Variants in METTL21C observed in about 807,000 individuals in gnomAD.
METTL21C encodes protein-lysine methyltransferase METTL21C.
METTL21C carries 21 observed loss-of-function variants against 25.9 expected under a neutral mutation model. The observed-to-expected ratio is 0.81, with a 90% CI of 0.58 to 1.17. METTL21C has a LOEUF of 1.17. Among genes scored for constraint, METTL21C ranks in the 50% most tolerant of loss-of-function variants. The probability of loss-of-function intolerance (pLI) is 0.00; values close to 1 mark genes in which losing one functional copy is unlikely to be tolerated. For synonymous variants in METTL21C, 125 were observed against 124.7 expected (o/e 1.00, Z -0.01); for missense variants, 312 against 315.1 (o/e 0.99, Z 0.07).
Position 102,691,090 on chromosome 13 carries a change from A to C in METTL21C, c.131-126T>G, listed in dbSNP as rs545828833. On this transcript the variant is annotated intron_variant, in intron 1 of 3. Transcript: ENST00000267273. ...TTACATAAAGAGAAGGGATGATGCTATCAAGGAGAACGGCTGCAAATTGGC... is the reference window on the plus strand; with the variant it reads ...TTACATAAAGAGAAGGGATGATGCTCTCAAGGAGAACGGCTGCAAATTGGC... 3.7e-4 allele frequency: 392 copies of C among 1,071,656 alleles called. 1 individual carries two copies. In the African/African-American group the frequency reaches 5.8e-3, roughly 16 times the overall value. The allele number at this position is 1,071,656 out of a possible 1,614,324, so 66.4% of individuals were successfully genotyped here.
At chr13:102,695,275 A>C (rs577536842), upstream of METTL21C, among the ~76,000 whole-genome samples, 26 of 152,300 alleles carry the variant, frequency 1.7e-4, 1 homozygote, top group Admixed American at 1.7e-3. Flanking sequence ...GACGGGAGTC[A>C]AAGGCTTAAC....
At position 102,694,681 on chromosome 13, in the gene METTL21C, A is replaced by G. The variant is rs1885913454; in HGVS notation, c.-183T>C. Among the ~76,000 whole-genome samples the G allele has an allele frequency of 6.6e-6, 1 of 151,626 alleles. No individual in the cohort carries two copies. The stretch of plus-strand genomic sequence containing the variant: ...AAAATAATTTTGAATTGTTACACGT[A>G]TCTTTACCTTATGCAGCAGAAGAGA... On this transcript the variant is annotated 5_prime_UTR_variant, in exon 1 of 4. Coordinates refer to ENST00000267273, the MANE Select transcript of METTL21C (RefSeq NM_001010977.3).
chr13:102,697,758 G>A (rs1362169164), upstream of METTL21C, among the ~76,000 whole-genome samples: 8 of 152,118 alleles, frequency 5.3e-5, no homozygotes, highest in Non-Finnish European at 8.8e-5. Context: ...TATTTTATTT[G>A]GGGAGTGTGA....
At position 102,688,407 on chromosome 13, in the gene METTL21C, G is replaced by C. The variant is rs866040396; in HGVS notation, c.283-1350C>G. Among the ~76,000 whole-genome samples, 6 of 152,346 alleles carry C rather than the reference G, an allele frequency of 3.9e-5. No homozygotes were observed. The Middle Eastern group carries it at 0.014, about 345-fold the overall frequency. On this transcript the variant is annotated intron_variant, in intron 2 of 3. Coordinates refer to ENST00000267273, the MANE Select transcript of METTL21C (RefSeq NM_001010977.3). ...AGCCAATTACAAACTGAATTCTGGG[G>C]AGGTAAGTGCTGTAGAGGAGGCAGA... is the stretch of plus-strand genomic sequence containing the variant.
chr13:102,696,753 G>A (rs1205659734), upstream of METTL21C, among the ~76,000 whole-genome samples: 2 of 152,150 alleles, frequency 1.3e-5, no homozygotes, highest in Non-Finnish European at 2.9e-5. Context: ...GCAGGTGTGA[G>A]AAGGAACCAA....
intron 3 of METTL21C, among the ~76,000 whole-genome samples, 186 bp from the exon 4 acceptor site, chr13:102,686,611 T>A (rs1328013944): frequency 6.6e-6 from 1 of 152,172 alleles, no homozygotes; most frequent in African/African-American, 2.4e-5. Context: ...CACTGTAAGA[T>A]GGTGAGCAGC....
chr13:102,700,998 C>A, the METTL21C span, among the ~76,000 whole-genome samples: 1 of 151,940 alleles, frequency 6.6e-6, no homozygotes, highest in East Asian at 1.9e-4. Flanking sequence ...CAGTTGACCA[C>A]TGTTCAGAAA....
At chr13:102,697,163 A>C (rs937937935), upstream of METTL21C, among the ~76,000 whole-genome samples, 6 of 152,116 alleles carry the variant, frequency 3.9e-5, no homozygotes, top group East Asian at 1.2e-3. Context: ...AAGATACAAG[A>C]TTGGATCAAA....
At chr13:102,703,935 A>T in the METTL21C span, among the ~76,000 whole-genome samples, 21 of 152,222 alleles carry the variant, frequency 1.4e-4, no homozygotes, top group Non-Finnish European at 1.6e-4. Context: ...TTCATTATAG[A>T]TTAACTTTCT....
chr13:102,687,477 A>T (rs1349527789), intron 2 of METTL21C, among the ~76,000 whole-genome samples: 3 of 152,240 alleles, frequency 2.0e-5, no homozygotes, highest in South Asian at 2.1e-4. Flanking sequence ...GTAATTTTTT[A>T]AAATGTCAAT....
rs1595244604 is a variant in METTL21C, at chr13:102,691,060, G to T, written c.131-96C>A. On this transcript the variant is annotated intron_variant, in intron 1 of 3. Transcript: ENST00000267273. ...TTGCTAAGATGGCATTAGATTGAATGACCTTTACATAAAGAGAAGGGATGA... is the reference window on the plus strand; with the variant it reads ...TTGCTAAGATGGCATTAGATTGAATTACCTTTACATAAAGAGAAGGGATGA... The T allele has an allele frequency of 2.9e-6, 4 of 1,370,076 alleles. No homozygotes were observed. The East Asian group carries it at 6.9e-5, about 24-fold the overall frequency. The allele number at this position is 1,370,076 out of a possible 1,614,324, so 84.9% of individuals were successfully genotyped here. A position where few individuals can be genotyped will look rare whatever the true frequency, so the allele number is the denominator to read the frequency against.
At chr13:102,703,503 C>T in the METTL21C span, among the ~76,000 whole-genome samples, 1 of 152,280 alleles carries the variant, frequency 6.6e-6, no homozygotes, top group Middle Eastern at 3.4e-3. Context: ...GGAAAGAAAA[C>T]CCTGAAGCAG....
At chr13:102,696,332 G>A (rs890818275), upstream of METTL21C, among the ~76,000 whole-genome samples, 4 of 151,888 alleles carry the variant, frequency 2.6e-5, no homozygotes, top group Non-Finnish European at 5.9e-5. Context: ...CATGGACACA[G>A]GGAGGGGAAC....
chr13:102,688,499 G>A lies in METTL21C; in HGVS notation c.283-1442C>T, dbSNP rs373625362. ...GAGTCTGGGCCGACTTCATGGGGCCGGGGAGAAGCCAGCTGGTGTGGAAGG... is the reference window on the plus strand; with the variant it reads ...GAGTCTGGGCCGACTTCATGGGGCCAGGGAGAAGCCAGCTGGTGTGGAAGG... On this transcript the variant is annotated intron_variant, in intron 2 of 3. Transcript: ENST00000267273. Among the ~76,000 whole-genome samples the A allele has an allele frequency of 1.9e-4, 29 of 152,342 alleles. No homozygotes were observed. The East Asian group carries it at 4.6e-3, about 24-fold the overall frequency.
rs769019633 is a variant in METTL21C, at chr13:102,690,841, T to G, written c.254A>C (p.Glu85Ala). Residue 85 changes from glutamate to alanine, a missense_variant, in exon 2 of 4, where the codon GAG (glutamate) becomes GCG (alanine). Transcript: ENST00000267273. Reference sequence around the variant, plus strand: ...TGGCCACACCACCGCTCCGTAACTCTCTATGGATTCCTGGATGACAATCTC... The same window carrying G: ...TGGCCACACCACCGCTCCGTAACTCGCTATGGATTCCTGGATGACAATCTC... ...GKEIVIQESI[E>A]SYGAVVWPGA... 8.1e-6 allele frequency: 13 copies of G among 1,614,138 alleles called. No homozygotes were observed. In the South Asian group the frequency reaches 1.3e-4, roughly 16 times the overall value.
At chr13:102,688,591 G>A (rs1885740995) in intron 2 of METTL21C, among the ~76,000 whole-genome samples, 1 of 152,216 alleles carries the variant, frequency 6.6e-6, no homozygotes, top group Admixed American at 6.5e-5. Context: ...ACGCTGCAGG[G>A]AGCTCCAGAG....
upstream of METTL21C, among the ~76,000 whole-genome samples, chr13:102,697,822 C>T (rs959371655): frequency 5.3e-5 from 8 of 152,150 alleles, no homozygotes; most frequent in East Asian, 1.9e-4. Context: ...CATCCTGCCA[C>T]GTGTGTGCCA....
chr13:102,695,436 C>T (rs1250457471), upstream of METTL21C, among the ~76,000 whole-genome samples: 2 of 152,058 alleles, frequency 1.3e-5, no homozygotes, highest in Non-Finnish European at 2.9e-5. Context: ...GCTCAGAAAC[C>T]CTTAAAATAG....
intron 3 of METTL21C, among the ~76,000 whole-genome samples, chr13:102,686,722 C>T (rs1177337749): frequency 1.3e-5 from 2 of 152,190 alleles, no homozygotes; most frequent in African/African-American, 2.4e-5. Flanking sequence ...GACTCAACTT[C>T]GTCCCATGGA....
Sources: allele counts gnomAD v4.1 joint callset (sites outside exome capture counted in the v4.1 genomes callset), GRCh38; gene constraint gnomAD v4.1.1; transcripts MANE v1.5; gene names NCBI Gene and HGNC (gene_info 2026-07-23, HGNC 2026-07-21).